The following GAD2 variants were observed in gnomAD, a reference collection of about 807,000 sequenced individuals.
GAD2 encodes the protein 65 kDa glutamic acid decarboxylase.
A neutral mutation model predicts 80.1 loss-of-function variants in GAD2; 22 were observed. That is an observed-to-expected ratio of 0.27 (90% CI 0.20 to 0.39). The LOEUF (loss-of-function observed/expected upper bound fraction) is 0.39. Among genes scored for constraint, GAD2 ranks in the 10% least tolerant of loss-of-function variants. The pLI is 1.00. For synonymous variants in GAD2, 274 were observed against 256.9 expected (o/e 1.07, Z -0.64); for missense variants, 624 against 738.4 (o/e 0.85, Z 1.80).
At chr10:26,226,596 C>A (rs1457595096) in intron 6 of GAD2, among the ~76,000 whole-genome samples, 1 of 152,214 alleles carries the variant, frequency 6.6e-6, no homozygotes, top group African/African-American at 2.4e-5. Context: ...CGGGAGCAAC[C>A]AGCCTTGCTC....
At chr10:26,254,138 G>T (rs1844915958) in intron 8 of GAD2, among the ~76,000 whole-genome samples, 1 of 152,222 alleles carries the variant, frequency 6.6e-6, no homozygotes, top group Non-Finnish European at 1.5e-5. Flanking sequence ...CCAGGTTCCA[G>T]TGATTCTTCT....
chr10:26,221,342 T>G (rs1844449416), intron 4 of GAD2, among the ~76,000 whole-genome samples: 1 of 152,108 alleles, frequency 6.6e-6, no homozygotes, highest in Non-Finnish European at 1.5e-5. Context: ...TGAAGGGCAG[T>G]GGGAAAATGA....
chr10:26,290,327 G>C (rs1053163467), intron 13 of GAD2, among the ~76,000 whole-genome samples: 5 of 152,118 alleles, frequency 3.3e-5, no homozygotes, highest in Admixed American at 6.6e-5. Context: ...GACACATCTG[G>C]GGAATTTAAA....
chr10:26,275,629 CA>C (rs1845191840), intron 11 of GAD2, among the ~76,000 whole-genome samples: 1 of 152,212 alleles, frequency 6.6e-6, no homozygotes. Context: ...GACTTATTAG[CA>C]AAAGGCATAC....
chr10:26,274,035 C>T (rs919442580), intron 11 of GAD2, among the ~76,000 whole-genome samples: 3 of 152,176 alleles, frequency 2.0e-5, no homozygotes, highest in Non-Finnish European at 2.9e-5. Context: ...AGGCAGCCCA[C>T]GTTTTACTAG....
intron 8 of GAD2, among the ~76,000 whole-genome samples, chr10:26,250,479 G>C (rs368374991): frequency 3.3e-5 from 5 of 152,270 alleles, no homozygotes; most frequent in East Asian, 1.9e-4. Flanking sequence ...TTCTCCCTTT[G>C]TGCTCATAAG....
chr10:26,303,003 C>T lies in GAD2; in HGVS notation c.*2042C>T, dbSNP rs976544186. The stretch of plus-strand genomic sequence containing the variant: ...CTGCCCGACTATCCGGAGCCTCAGG[C>T]CCAAAGGTTCCACTTCAGAGACAGA... On this transcript the variant is annotated 3_prime_UTR_variant, in exon 16 of 16. Coordinates refer to ENST00000376261, the MANE Select transcript of GAD2 (RefSeq NM_001134366.2). 2.0e-5 allele frequency: 3 copies of T among 152,174 alleles called. No individual in the cohort carries two copies. Among genetic ancestry groups the T allele is most frequent in the Non-Finnish European group, 4.4e-5 (3 of 68,048 alleles). The allele number at this position is 152,174 out of a possible 1,614,324, so 9.4% of individuals were successfully genotyped here.
At chr10:26,274,786 C>T (rs950907294) in intron 11 of GAD2, among the ~76,000 whole-genome samples, 1 of 152,126 alleles carries the variant, frequency 6.6e-6, no homozygotes, top group Non-Finnish European at 1.5e-5. Context: ...GGTTACTGGG[C>T]TGGAGTCAAG....
In GAD2 at chr10:26,269,183, TGCCGGGA is replaced by T; in HGVS notation, c.975+13_975+19del. The T allele has an allele frequency of 6.3e-7, 1 of 1,592,434 alleles. No homozygotes were observed. Among genetic ancestry groups the T allele is most frequent in the East Asian group, 2.3e-5 (1 of 44,246 alleles). On this transcript the variant is annotated intron_variant, in intron 9 of 15. Transcript: ENST00000376261. ...TGAAGCCAAACAGAAAGTAAGTTTC[TGCCGGGA>T]GCTTTATCCAGCCCATATTTCTATT...
Position 26,292,528 on chromosome 10 carries a change from A to G in GAD2, c.1450A>G (p.Ile484Val). The change falls in exon 14 of 16, where the codon ATC becomes GTC. Residue 484 changes from isoleucine to valine, a missense_variant. Coordinates refer to ENST00000376261, the MANE Select transcript of GAD2 (RefSeq NM_001134366.2). The part of the protein sequence containing the change: ...CLELAEYLYN[I>V]IKNREGYEMV... ...GGAGTTGGCAGAGTATTTATACAAC[A>G]TCATAAAAAACCGAGAAGGATATGA... 1 of 1,614,120 alleles carries G rather than the reference A, an allele frequency of 6.2e-7. No homozygotes were observed. The highest frequency in any genetic ancestry group is 8.5e-7 in the Non-Finnish European group (1 of 1,179,974).
At chr10:26,288,942 C>G (rs998007963) in intron 13 of GAD2, among the ~76,000 whole-genome samples, 2 of 152,028 alleles carry the variant, frequency 1.3e-5, no homozygotes, top group East Asian at 3.9e-4. Flanking sequence ...CATGAAGGCA[C>G]CAGGGAAGGG....
chr10:26,245,328 T>C (rs1844793251), intron 7 of GAD2, among the ~76,000 whole-genome samples: 1 of 151,966 alleles, frequency 6.6e-6, no homozygotes, highest in Middle Eastern at 3.2e-3. Context: ...GGCACACGTT[T>C]ACCTATGTAA....
Position 26,217,553 on chromosome 10 carries a change from C to A in GAD2, c.77-57C>A, listed in dbSNP as rs1486054279. ...TTTTCACATAGAACGAAATTTCACA[C>A]GTCCGTCTGTTGTTCTCTTTCTGCC... On this transcript the variant is annotated intron_variant, in intron 1 of 15. Coordinates refer to ENST00000376261, the MANE Select transcript of GAD2 (RefSeq NM_001134366.2). This position sits in a 1 kb window ranked among gnomAD's most constrained non-coding sequence, Gnocchi z 4.9. 1.3e-6 allele frequency: 2 copies of A among 1,531,052 alleles called. No individual in the cohort carries two copies. Among genetic ancestry groups the A allele is most frequent in the Non-Finnish European group, 1.8e-6 (2 of 1,120,432 alleles). 94.8% of individuals were successfully genotyped at this position (1,531,052 alleles called of 1,614,324 possible). A position where few individuals can be genotyped will look rare whatever the true frequency, so the allele number is the denominator to read the frequency against.
At chr10:26,238,093 A>G (rs765559209) in intron 7 of GAD2, among the ~76,000 whole-genome samples, 2 of 151,842 alleles carry the variant, frequency 1.3e-5, no homozygotes, top group African/African-American at 2.4e-5. Context: ...AGATTTCACA[A>G]TGCCACTTGA....
intron 4 of GAD2, 72 bp downstream of exon 4, chr10:26,219,348 G>A (rs1844425422): frequency 9.6e-7 from 1 of 1,038,476 alleles, no homozygotes; most frequent in Non-Finnish European, 1.4e-6. Flanking sequence ...TCTATAAAAT[G>A]TTTTGTTTGA....
At chr10:26,273,544 G>A in intron 10 of GAD2, 92 bp from the exon 11 acceptor site, 1 of 1,081,912 alleles carries the variant, frequency 9.2e-7, no homozygotes, top group Admixed American at 1.8e-5. Flanking sequence ...GTGGCCTGGG[G>A]TCAAGATCAT....
At chr10:26,251,677 T>A (rs1844882248) in intron 8 of GAD2, among the ~76,000 whole-genome samples, 1 of 152,274 alleles carries the variant, frequency 6.6e-6, no homozygotes, top group Non-Finnish European at 1.5e-5. Flanking sequence ...ATTGAAATGA[T>A]ATGAATGTTT....
chr10:26,226,278 AATT>A (rs1844521480), intron 6 of GAD2, among the ~76,000 whole-genome samples: 1 of 152,094 alleles, frequency 6.6e-6, no homozygotes, highest in Admixed American at 6.6e-5. Flanking sequence ...CCAGAGAAAT[AATT>A]CTCTTAGGCA....
At chr10:26,279,102 C>T (rs1020437614) in intron 11 of GAD2, among the ~76,000 whole-genome samples, 3 of 151,956 alleles carry the variant, frequency 2.0e-5, no homozygotes, top group African/African-American at 4.8e-5. Context: ...TCAGTCTCTC[C>T]GGAGACAAGC....
Sources: allele counts gnomAD v4.1 joint callset (sites outside exome capture counted in the v4.1 genomes callset), GRCh38; gene constraint gnomAD v4.1.1; non-coding constraint Gnocchi (gnomAD v3.1); transcripts MANE v1.5; gene names NCBI Gene and HGNC (gene_info 2026-07-23, HGNC 2026-07-21).